PPP2R3A: variants seen among roughly 807,000 people sequenced by gnomAD.
PPP2R3A encodes the protein protein phosphatase 2 regulatory subunit B''alpha, also known as serine/threonine-protein phosphatase 2A regulatory subunit B'' subunit alpha.
Under a neutral mutation model 106.9 loss-of-function variants are expected in PPP2R3A, and 80 were observed. The ratio of observed to expected loss-of-function variants is 0.75; its 90% confidence interval spans 0.62 to 0.90. PPP2R3A has a LOEUF of 0.90. Among genes scored for constraint, PPP2R3A ranks in the 40% least tolerant of loss-of-function variants. PPP2R3A has a pLI of 0.00. For synonymous variants in PPP2R3A, 483 were observed against 468.3 expected, an observed-to-expected ratio of 1.03 and a Z score of -0.41; for missense variants, 1,386 against 1,350.4, an observed-to-expected ratio of 1.03 and a Z score of -0.41.
intron 13 of PPP2R3A, among the ~76,000 whole-genome samples, chr3:136,127,226 AG>A (rs1473162237): frequency 6.6e-6 from 1 of 152,222 alleles, no homozygotes; most frequent in African/African-American, 2.4e-5. Context: ...ACCAAGCTAA[AG>A]GAGGATGTTC....
intron 12 of PPP2R3A, among the ~76,000 whole-genome samples, chr3:136,104,757 C>G (rs1345054708): frequency 5.9e-5 from 9 of 152,088 alleles, no homozygotes; most frequent in Admixed American, 5.2e-4. Context: ...TGTTTAGGAA[C>G]TTAACATTAT....
intron 1 of PPP2R3A, among the ~76,000 whole-genome samples, chr3:135,997,493 G>T (rs1423485581): frequency 1.4e-4 from 21 of 152,038 alleles, no homozygotes; most frequent in Admixed American, 1.4e-3. Flanking sequence ...CTCACTTTAT[G>T]CACTCACCCT....
intron 5 of PPP2R3A, among the ~76,000 whole-genome samples, chr3:136,059,364 G>A (rs1056888362): frequency 2.6e-4 from 39 of 151,810 alleles, no homozygotes; most frequent in African/African-American, 7.0e-4. Context: ...TGTGGCCAAC[G>A]ATCATATGAA....
rs867390565 is a variant in PPP2R3A, at chr3:136,079,267, G to C, written c.2631+814G>C. The C allele has an allele frequency of 8.8e-5, 37 of 421,520 alleles. No individual in the cohort carries two copies. In the Middle Eastern group the frequency reaches 2.4e-3, roughly 27 times the overall value. The allele number at this position is 421,520 out of a possible 1,614,324, so 26.1% of individuals were successfully genotyped here. On this transcript the variant is annotated intron_variant, in intron 7 of 13. Coordinates refer to ENST00000264977, the MANE Select transcript of PPP2R3A (RefSeq NM_002718.5). ...GATATTTATTGAACACCTGATGCCTGCCTGGGCTCTCAGTAGGTAATATGG... is the reference window on the plus strand; with the variant it reads ...GATATTTATTGAACACCTGATGCCTCCCTGGGCTCTCAGTAGGTAATATGG...
chr3:136,021,749 A>G (rs1934474494), intron 2 of PPP2R3A, among the ~76,000 whole-genome samples: 1 of 152,128 alleles, frequency 6.6e-6, no homozygotes, highest in Non-Finnish European at 1.5e-5. Context: ...TTCTACATCT[A>G]GTTGGAAAAT....
chr3:136,017,798 G>A (rs1015450158), intron 2 of PPP2R3A, among the ~76,000 whole-genome samples: 2 of 152,192 alleles, frequency 1.3e-5, no homozygotes, highest in Admixed American at 1.3e-4. Flanking sequence ...ACTTAGCTGA[G>A]CTGATTTCCC....
intron 1 of PPP2R3A, among the ~76,000 whole-genome samples, chr3:135,992,635 TG>T (rs1933221871): frequency 6.6e-6 from 1 of 152,174 alleles, no homozygotes. Flanking sequence ...CCCCAAAAAA[TG>T]TAGCTCTAAT....
rs764001028 is a variant in PPP2R3A, at chr3:136,026,974, A to G, written c.2138A>G (p.Tyr713Cys). The change falls in exon 3 of 14, where the codon TAC becomes TGC. Residue 713 changes from tyrosine (Y) to cysteine (C), a missense_variant. Tyr to Cys is a radical substitution (Grantham distance 194, BLOSUM62 -2). Transcript: ENST00000264977. The part of the protein sequence containing the change: ...APLSINIPRF[Y>C]FPEGLPDTCS... ...TTGTCCATAAACATTCCACGGTTCT[A>G]CTTTCCTGAAGGACTCCCAGATACC... The G allele has an allele frequency of 1.2e-5, 19 of 1,613,584 alleles. No individual in the cohort carries two copies. The Admixed American group carries it at 1.8e-4, about 16-fold the overall frequency.
chr3:135,999,840 C>A (rs1251242287), intron 1 of PPP2R3A, among the ~76,000 whole-genome samples: 2 of 152,050 alleles, frequency 1.3e-5, no homozygotes, highest in Non-Finnish European at 2.9e-5. Flanking sequence ...GTGGCGTGAT[C>A]TCGGCTCACT....
chr3:136,000,641 C>A (rs1933586827), intron 1 of PPP2R3A, among the ~76,000 whole-genome samples: 1 of 152,028 alleles, frequency 6.6e-6, no homozygotes, highest in Non-Finnish European at 1.5e-5. Flanking sequence ...GGTGCAGGGA[C>A]ATAGTAGAAA....
intron 8 of PPP2R3A, among the ~76,000 whole-genome samples, chr3:136,083,000 G>GT (rs1017103059): frequency 1.3e-5 from 2 of 152,108 alleles, no homozygotes; most frequent in African/African-American, 4.8e-5. Flanking sequence ...TCTAGAACCT[G>GT]TTGCCTACTG....
At chr3:136,028,088 C>T (rs964112343) in intron 3 of PPP2R3A, among the ~76,000 whole-genome samples, 4 of 152,210 alleles carry the variant, frequency 2.6e-5, no homozygotes, top group African/African-American at 9.7e-5. Context: ...AAGCGTGACC[C>T]TCTTGCCCTC....
intron 4 of PPP2R3A, among the ~76,000 whole-genome samples, chr3:136,047,886 C>CAGAGCG (rs1329524987): frequency 6.7e-6 from 1 of 148,912 alleles, no homozygotes; most frequent in Non-Finnish European, 1.5e-5. Flanking sequence ...GCGTAGGCAA[C>CAGAGCG]AGAGCGAGAC....
rs374365911 is a variant in PPP2R3A at position 136,025,831 on chromosome 3, G to A, written c.1996-1001G>A. Among the ~76,000 whole-genome samples, 4 of 152,128 alleles carry A rather than the reference G, an allele frequency of 2.6e-5. No individual in the cohort carries two copies. In the East Asian group the frequency reaches 7.7e-4, roughly 29 times the overall value. ...ATCTAATACAGTACCATGCTCATGA[G>A]CCTTGATAATTTGGCCATTAATTAA... On this transcript the variant is annotated intron_variant, in intron 2 of 13. Coordinates refer to ENST00000264977, the MANE Select transcript of PPP2R3A (RefSeq NM_002718.5).
At chr3:136,143,993 C>G (rs1938992717) in intron 13 of PPP2R3A, among the ~76,000 whole-genome samples, 2 of 152,224 alleles carry the variant, frequency 1.3e-5, no homozygotes, top group Non-Finnish European at 2.9e-5. Context: ...CTATAATAGA[C>G]ATTGCTGATG....
At chr3:136,065,135 A>G (rs886409231) in intron 5 of PPP2R3A, among the ~76,000 whole-genome samples, 1 of 152,208 alleles carries the variant, frequency 6.6e-6, no homozygotes, top group Non-Finnish European at 1.5e-5. Context: ...AAGATAATCA[A>G]CCAAAGAACT....
In PPP2R3A at chr3:136,049,288, C is replaced by T. The variant is rs376607336; in HGVS notation, c.2396C>T (p.Ser799Phe). Residue 799 changes from serine to phenylalanine, a missense_variant, in exon 5 of 14, where the codon TCT (serine) becomes TTT (phenylalanine). Coordinates refer to ENST00000264977, the MANE Select transcript of PPP2R3A (RefSeq NM_002718.5). ...CTGAATAACCATCATGATGATGCCT[C>T]TAAATTCATCTGTCTTCTAGCAAAG... ...KLLNNHHDDASKFICLLAKPN... is the reference protein window; with the variant it reads ...KLLNNHHDDAFKFICLLAKPN... 3 of 1,613,708 alleles carry T rather than the reference C, an allele frequency of 1.9e-6. No individual in the cohort carries two copies. The highest frequency in any genetic ancestry group is 2.5e-6 in the Non-Finnish European group (3 of 1,179,778).
At chr3:136,142,495 A>G (rs1220380328) in intron 13 of PPP2R3A, among the ~76,000 whole-genome samples, 1 of 152,204 alleles carries the variant, frequency 6.6e-6, no homozygotes, top group Non-Finnish European at 1.5e-5. Context: ...TGACATACAC[A>G]AAAATGTATA....
intron 1 of PPP2R3A, among the ~76,000 whole-genome samples, chr3:135,967,305 A>T (rs565643190): frequency 1.3e-5 from 2 of 152,224 alleles, no homozygotes; most frequent in Admixed American, 1.3e-4. Flanking sequence ...ACTGGGGCCA[A>T]TCTGGCTGTT....
Sources: allele counts gnomAD v4.1 joint callset (sites outside exome capture counted in the v4.1 genomes callset), GRCh38; gene constraint gnomAD v4.1.1; transcripts MANE v1.5; gene names NCBI Gene and HGNC (gene_info 2026-07-23, HGNC 2026-07-21).